ANKS1B: variants seen among roughly 807,000 people sequenced by gnomAD.
The protein encoded by ANKS1B is ankyrin repeat and sterile alpha motif domain containing 1B, also known as ankyrin repeat and sterile alpha motif domain-containing protein 1B.
Under a neutral mutation model 148.3 loss-of-function variants are expected in ANKS1B, and 36 were observed. The ratio of observed to expected loss-of-function variants is 0.24; its 90% CI spans 0.19 to 0.32. The LOEUF (loss-of-function observed/expected upper bound fraction) is 0.32. ANKS1B is among the 10% of genes least tolerant of loss of function. ANKS1B has a pLI of 1.00. For missense variants in ANKS1B, 1,157 were observed against 1,542.6 expected (o/e 0.75, Z 4.19); for synonymous variants, 542 against 560.8 (o/e 0.97, Z 0.47).
At chr12:99,648,837 G>A in intron 9 of ANKS1B, 6 of 1,558,280 alleles carry the variant, frequency 3.9e-6, no homozygotes, top group Non-Finnish European at 5.2e-6. Flanking sequence ...TTGGGGGAGA[G>A]CAGGTACAGG....
intron 14 of ANKS1B, among the ~76,000 whole-genome samples, chr12:99,227,829 T>C (rs1425471889): frequency 6.6e-6 from 1 of 152,158 alleles, no homozygotes; most frequent in Non-Finnish European, 1.5e-5. Context: ...GTTGAGACAC[T>C]TAGGTGAAAG....
intron 23 of ANKS1B, among the ~76,000 whole-genome samples, chr12:98,781,662 C>T (rs1416469280): frequency 6.6e-6 from 1 of 152,102 alleles, no homozygotes; most frequent in African/African-American, 2.4e-5. Context: ...TTCTTCCAGG[C>T]ACAGATAATG....
intron 8 of ANKS1B, among the ~76,000 whole-genome samples, chr12:99,734,156 C>A (rs2059411638): frequency 2.0e-5 from 3 of 152,132 alleles, no homozygotes; most frequent in South Asian, 4.1e-4. Flanking sequence ...CTGCCTTATA[C>A]CTATCTTTAC....
chr12:98,871,813 G>A (rs145067885), intron 17 of ANKS1B, among the ~76,000 whole-genome samples: 29 of 152,148 alleles, frequency 1.9e-4, no homozygotes, highest in African/African-American at 6.3e-4. Context: ...TTTAAGCAAC[G>A]TGAAATCTCA....
intron 14 of ANKS1B, among the ~76,000 whole-genome samples, chr12:99,179,904 T>G (rs1566565838): frequency 6.6e-6 from 1 of 152,212 alleles, no homozygotes; most frequent in Non-Finnish European, 1.5e-5. Context: ...CATTTAAGGT[T>G]CTCCATCATT....
intron 12 of ANKS1B, among the ~76,000 whole-genome samples, chr12:99,310,850 T>C (rs1000500469): frequency 2.0e-5 from 3 of 152,182 alleles, no homozygotes; most frequent in Admixed American, 6.6e-5. Context: ...ATAAACTCTA[T>C]AGCCAGATTG....
chr12:99,004,640 G>T (rs1435305802), intron 17 of ANKS1B, among the ~76,000 whole-genome samples: 1 of 151,898 alleles, frequency 6.6e-6, no homozygotes, highest in African/African-American at 2.4e-5. Flanking sequence ...AGGAGGCAGG[G>T]CTAAAGTGGA....
rs1275237970 is a variant in ANKS1B at position 98,768,688 on chromosome 12, C to T, written c.3579+4354G>A. 4.7e-5 allele frequency among the ~76,000 whole-genome samples: 7 copies of T among 147,782 alleles called. No individual in the cohort carries two copies. The South Asian group carries it at 1.1e-3, about 23-fold the overall frequency. ...GGCGGAGCTTGCAGTGAGCAGAGAT[C>T]GTGCCACTGCACTCCAGCTTGGGCG... On this transcript the variant is annotated intron_variant, in intron 25 of 26. Coordinates refer to ENST00000683438, the MANE Select transcript of ANKS1B (RefSeq NM_001352186.2).
rs530950508 is a variant in ANKS1B at position 98,744,550 on chromosome 12, A to C, written c.*1189T>G. On this transcript the variant is annotated 3_prime_UTR_variant, in exon 27 of 27. Coordinates refer to ENST00000683438, the MANE Select transcript of ANKS1B (RefSeq NM_001352186.2). The stretch of plus-strand genomic sequence containing the variant: ...TAAATATACATTATGGTATCATACA[A>C]ATACTCCACAGAGACATTAAAAAAT... 3 of 610,644 alleles carry C rather than the reference A, an allele frequency of 4.9e-6. No individual in the cohort carries two copies. Among genetic ancestry groups the C allele is most frequent in the Non-Finnish European group, 6.1e-6 (3 of 487,834 alleles). 37.8% of individuals were successfully genotyped at this position (610,644 alleles called of 1,614,324 possible).
intron 16 of ANKS1B, 21 bp downstream of exon 16, chr12:99,084,904 G>A (rs1318412473): frequency 6.4e-6 from 10 of 1,568,324 alleles, no homozygotes; most frequent in Non-Finnish European, 8.7e-6. Flanking sequence ...ACAGGACTAG[G>A]GCAATAAAAG....
At chr12:99,698,455 G>A (rs533787399) in intron 8 of ANKS1B, among the ~76,000 whole-genome samples, 47 of 152,038 alleles carry the variant, frequency 3.1e-4, no homozygotes, top group Admixed American at 1.2e-3. Context: ...GTAAATAGGC[G>A]GTTACACTGA....
chr12:99,760,583 T>C (rs1459493247), intron 8 of ANKS1B, among the ~76,000 whole-genome samples: 1 of 151,686 alleles, frequency 6.6e-6, no homozygotes, highest in African/African-American at 2.4e-5. Context: ...GCTAAATGCC[T>C]ACCTCAAAAA....
At chr12:99,423,701 G>T (rs2095165244) in intron 11 of ANKS1B, among the ~76,000 whole-genome samples, 1 of 152,106 alleles carries the variant, frequency 6.6e-6, no homozygotes, top group Non-Finnish European at 1.5e-5. Flanking sequence ...CATGGATGGA[G>T]CTGGAGGTCA....
At chr12:98,772,802 C>T (rs187457101) in intron 25 of ANKS1B, among the ~76,000 whole-genome samples, 53 of 152,230 alleles carry the variant, frequency 3.5e-4, no homozygotes, top group East Asian at 2.9e-3. Context: ...CCAAACCTGC[C>T]GACACATTGG....
chr12:99,584,753 T>A (rs55815251), intron 9 of ANKS1B, among the ~76,000 whole-genome samples: 1 of 152,130 alleles, frequency 6.6e-6, no homozygotes, highest in Admixed American at 6.5e-5. Flanking sequence ...ACATCTTATG[T>A]GGCAGCAGGC....
At chr12:99,737,947 T>C (rs555981753) in intron 8 of ANKS1B, among the ~76,000 whole-genome samples, 18 of 152,288 alleles carry the variant, frequency 1.2e-4, no homozygotes, top group East Asian at 1.9e-4. Flanking sequence ...CATAGTCCCA[T>C]AGACATTCTA....
chr12:99,364,631 T>C (rs1008177220), intron 12 of ANKS1B, among the ~76,000 whole-genome samples: 1 of 152,224 alleles, frequency 6.6e-6, no homozygotes, highest in Non-Finnish European at 1.5e-5. Context: ...AAGGTTGTTA[T>C]GGCATTGATG....
intron 8 of ANKS1B, among the ~76,000 whole-genome samples, chr12:99,686,887 G>A (rs1209483496): frequency 1.3e-5 from 2 of 152,108 alleles, no homozygotes; most frequent in South Asian, 2.1e-4. Flanking sequence ...TAAAAACAAT[G>A]AGACAAATTT....
chr12:99,217,732 C>T (rs531867827), intron 14 of ANKS1B, among the ~76,000 whole-genome samples: 1 of 152,242 alleles, frequency 6.6e-6, no homozygotes, highest in African/African-American at 2.4e-5. Flanking sequence ...CTAGAAGAAG[C>T]TTGCCAAAGC....
Sources: gnomAD v4.1 joint callset for allele counts (sites outside exome capture counted in the v4.1 genomes callset) on GRCh38, gnomAD v4.1.1 for gene constraint, MANE v1.5 for transcripts, NCBI Gene and HGNC (gene_info 2026-07-23, HGNC 2026-07-21) for gene names.